Variants in SGO2 observed in about 807,000 individuals in gnomAD.
SGO2 encodes shugoshin 2, also known as shugoshin-like 2.
A neutral mutation model predicts 99.5 loss-of-function variants in SGO2; 68 were observed. That is an observed-to-expected ratio of 0.68 (90% CI 0.56 to 0.84). The LOEUF is 0.84. SGO2 is among the 40% of genes least tolerant of loss of function. SGO2 has a pLI of 0.00. For synonymous variants in SGO2, 457 were observed against 487.1 expected (o/e 0.94, Z 0.81); for missense variants, 1,350 against 1,436.7 (o/e 0.94, Z 0.97).
rs1196318888 is a variant in SGO2 at position 200,570,157 on chromosome 2, C to G, written c.703+265C>G. 1 of 408,226 alleles carries G rather than the reference C, an allele frequency of 2.4e-6. No individual in the cohort carries two copies. The highest frequency in any genetic ancestry group is 4.3e-6 in the Non-Finnish European group (1 of 232,334). The allele number at this position is 408,226 out of a possible 1,614,324, so 25.3% of individuals were successfully genotyped here. Reference sequence around the variant, plus strand: ...GGACCTAATGAGCTTTTCTCAATATCTTAGCTTATGATTTGAAAGATACCA... The same window carrying G: ...GGACCTAATGAGCTTTTCTCAATATGTTAGCTTATGATTTGAAAGATACCA... On this transcript the variant is annotated intron_variant, in intron 6 of 8. Coordinates refer to ENST00000357799, the MANE Select transcript of SGO2 (RefSeq NM_152524.6). This position sits in a 1 kb window ranked among gnomAD's most constrained non-coding sequence, Gnocchi z 4.4.
intron 8 of SGO2, among the ~76,000 whole-genome samples, chr2:200,579,154 T>A (rs544707827): frequency 6.6e-6 from 1 of 152,346 alleles, no homozygotes; most frequent in East Asian, 1.9e-4. Context: ...GTTGCTATTA[T>A]ATATGGACAT....
At chr2:200,560,328 C>G (rs2032889938) in intron 5 of SGO2, among the ~76,000 whole-genome samples, 1 of 151,566 alleles carries the variant, frequency 6.6e-6, no homozygotes, top group South Asian at 2.1e-4. Context: ...TTTTCTATAC[C>G]CTTACTTTCA....
At chr2:200,552,474 A>G (rs2032532411) in intron 5 of SGO2, among the ~76,000 whole-genome samples, 1 of 152,206 alleles carries the variant, frequency 6.6e-6, no homozygotes, top group Non-Finnish European at 1.5e-5. Flanking sequence ...GGGCTGTTCA[A>G]CCAAGCTTAC....
intron 5 of SGO2, among the ~76,000 whole-genome samples, chr2:200,565,833 C>A (rs1014780503): frequency 2.0e-5 from 3 of 152,068 alleles, no homozygotes; most frequent in Admixed American, 1.3e-4. Context: ...TCACTGATAC[C>A]CTTTCTTCCA....
chr2:200,532,882 T>G, intron 1 of SGO2, 92 bp from the exon 2 acceptor site: 1 of 1,271,358 alleles, frequency 7.9e-7, no homozygotes, highest in East Asian at 2.6e-5. Context: ...CAAAGTATAT[T>G]AAGTCATGAT....
Position 200,571,352 on chromosome 2 carries a change from T to G in SGO2, c.1006T>G (p.Ser336Ala). 6.2e-7 allele frequency: 1 copy of G among 1,612,630 alleles called. No individual in the cohort carries two copies. The highest frequency in any genetic ancestry group is 8.5e-7 in the Non-Finnish European group (1 of 1,178,980). ...GGATCTTCCTGGCTTATCTTCTGAGTCTGCCAGAGAACCTAATGCAGAGTG... is the reference window on the plus strand; with the variant it reads ...GGATCTTCCTGGCTTATCTTCTGAGGCTGCCAGAGAACCTAATGCAGAGTG... ...KQDLPGLSSE[S>A]AREPNAECMN... The change falls in exon 7 of 9, where the codon TCT (serine) becomes GCT (alanine). Residue 336 changes from serine (S) to alanine (A), a missense_variant. Ser to Ala is a moderately conservative substitution (Grantham distance 99). Coordinates refer to ENST00000357799, the MANE Select transcript of SGO2 (RefSeq NM_152524.6).
At position 200,535,082 on chromosome 2, in the gene SGO2, A is replaced by G; in HGVS notation, c.220A>G (p.Arg74Gly). 1 of 1,566,054 alleles carries G rather than the reference A, an allele frequency of 6.4e-7. No individual in the cohort carries two copies. Among genetic ancestry groups the G allele is most frequent in the South Asian group, 1.2e-5 (1 of 81,888 alleles). Residue 74 changes from arginine to glycine, a missense_variant, in exon 3 of 9, where the codon AGA (arginine) becomes GGA (glycine). Coordinates refer to ENST00000357799, the MANE Select transcript of SGO2 (RefSeq NM_152524.6). The part of the protein sequence containing the change: ...ALSREKENSR[R>G]ITTEKMLLQK... ...TAGTAGAGAAAAAGAGAATTCTCGAAGAATTACAACTGAAAAGATGCTATT... is the reference window on the plus strand; with the variant it reads ...TAGTAGAGAAAAAGAGAATTCTCGAGGAATTACAACTGAAAAGATGCTATT...
Position 200,573,957 on chromosome 2 carries a change from G to A in SGO2, c.3611G>A (p.Arg1204Lys), listed in dbSNP as rs765681286. The change falls in exon 7 of 9, where the codon AGA (arginine) becomes AAA (lysine). Residue 1204 changes from arginine to lysine, a missense_variant. Arg to Lys is a conservative substitution (Grantham distance 26, BLOSUM62 2). Coordinates refer to ENST00000357799, the MANE Select transcript of SGO2 (RefSeq NM_152524.6). ...AAGATGAAATTTAAAGTCAACCGGA[G>A]AACCCAAAAATCAGGAATAGGTAGG... ...MNKMKFKVNR[R>K]TQKSGIGDRP... is the part of the protein sequence containing the mutation. The A allele has an allele frequency of 5.7e-6, 9 of 1,588,110 alleles. No homozygotes were observed. The highest frequency in any genetic ancestry group is 7.7e-6 in the Non-Finnish European group (9 of 1,171,916).
At chr2:200,548,002 T>G (rs1339693604) in intron 5 of SGO2, among the ~76,000 whole-genome samples, 1 of 150,802 alleles carries the variant, frequency 6.6e-6, no homozygotes, top group Non-Finnish European at 1.5e-5. Flanking sequence ...AAAGCCAACA[T>G]TACTAGATGT....
At chr2:200,540,795 C>G (rs1219099949) in intron 4 of SGO2, among the ~76,000 whole-genome samples, 2 of 152,312 alleles carry the variant, frequency 1.3e-5, no homozygotes, top group East Asian at 3.9e-4. Flanking sequence ...TTAGAGATAG[C>G]AAGGGACCAG....
intron 5 of SGO2, among the ~76,000 whole-genome samples, chr2:200,569,391 G>T (rs1574874243): frequency 6.6e-6 from 1 of 152,166 alleles, no homozygotes; most frequent in Non-Finnish European, 1.5e-5. Flanking sequence ...TTGCTTAATA[G>T]TAGTCTTCTA....
intron 1 of SGO2, among the ~76,000 whole-genome samples, chr2:200,530,836 G>GA (rs1405314853): frequency 6.6e-6 from 1 of 152,166 alleles, no homozygotes; most frequent in African/African-American, 2.4e-5. Flanking sequence ...AGAGATCTTG[G>GA]AAAAAAGCAG....
At chr2:200,562,152 ATTGCCTAGG>A (rs2032998614) in intron 5 of SGO2, among the ~76,000 whole-genome samples, 1 of 151,576 alleles carries the variant, frequency 6.6e-6, no homozygotes, top group South Asian at 2.1e-4. Flanking sequence ...CCTGAATGGT[ATTGCCTAGG>A]TTTTCTTCTA....
chr2:200,563,440 T>G (rs886859159), intron 5 of SGO2, among the ~76,000 whole-genome samples: 1 of 152,240 alleles, frequency 6.6e-6, no homozygotes, highest in African/African-American at 2.4e-5. Context: ...CTTCTTGATG[T>G]GCTGCAGGAT....
chr2:200,550,991 C>CA (rs55848114), intron 5 of SGO2, among the ~76,000 whole-genome samples: 68,925 of 138,796 alleles, frequency 0.5, 16,004 homozygotes, highest in South Asian at 0.55. Context: ...AACTAAGTAG[C>CA]AAAAAAAAAA....
intron 2 of SGO2, among the ~76,000 whole-genome samples, chr2:200,533,936 A>G (rs995800868): frequency 3.9e-5 from 6 of 152,110 alleles, no homozygotes; most frequent in Admixed American, 1.3e-4. Context: ...ATGAAGGAAT[A>G]TGCTGACTTT....
chr2:200,532,688 C>G (rs2031469196), intron 1 of SGO2, among the ~76,000 whole-genome samples: 1 of 152,088 alleles, frequency 6.6e-6, no homozygotes, highest in Non-Finnish European at 1.5e-5. Context: ...CCGCATTGTA[C>G]CATGCATTCC....
At chr2:200,581,693 GA>G (rs2033847502) in intron 8 of SGO2, among the ~76,000 whole-genome samples, 1 of 151,788 alleles carries the variant, frequency 6.6e-6, no homozygotes, top group Admixed American at 6.6e-5. Context: ...AAAGAAGGAA[GA>G]AAAAAAAGTG....
chr2:200,581,122 C>A (rs532462382), intron 8 of SGO2, among the ~76,000 whole-genome samples: 3 of 152,154 alleles, frequency 2.0e-5, no homozygotes, highest in East Asian at 1.9e-4. Flanking sequence ...CCAGTATTTT[C>A]TTTGTGACCT....
Sources: allele counts gnomAD v4.1 joint callset (sites outside exome capture counted in the v4.1 genomes callset), GRCh38; gene constraint gnomAD v4.1.1; non-coding constraint Gnocchi (gnomAD v3.1); transcripts MANE v1.5; gene names NCBI Gene and HGNC (gene_info 2026-07-23, HGNC 2026-07-21).